ADGRL2: variants seen among roughly 807,000 people sequenced by gnomAD.
The protein encoded by ADGRL2 is adhesion G protein-coupled receptor L2.
ADGRL2 carries 44 observed loss-of-function variants against 157.4 expected under a neutral mutation model. The ratio of observed to expected loss-of-function variants is 0.28; its 90% CI spans 0.22 to 0.36. The LOEUF (loss-of-function observed/expected upper bound fraction) is 0.36. ADGRL2 is among the 10% of genes least tolerant of loss of function. The pLI is 1.00. For synonymous variants in ADGRL2, 585 were observed against 624.7 expected (o/e 0.94, Z 0.95); for missense variants, 1,510 against 1,768.9 (o/e 0.85, Z 2.63).
intron 2 of ADGRL2, among the ~76,000 whole-genome samples, chr1:81,527,298 C>A (rs1184928710): frequency 3.3e-5 from 5 of 152,128 alleles, no homozygotes; most frequent in Non-Finnish European, 7.3e-5. Flanking sequence ...GAGTTTAACC[C>A]CCCAAAATTC....
At chr1:81,313,933 C>T (rs1331456371) in intron 1 of ADGRL2, among the ~76,000 whole-genome samples, 1 of 152,068 alleles carries the variant, frequency 6.6e-6, no homozygotes, top group African/African-American at 2.4e-5. Context: ...CATACTCTGT[C>T]CCCAATCCAT....
intron 3 of ADGRL2, among the ~76,000 whole-genome samples, chr1:81,598,219 C>A (rs2081272926): frequency 1.3e-5 from 2 of 152,124 alleles, no homozygotes; most frequent in Admixed American, 6.5e-5. Context: ...CCAAACTCAA[C>A]AAGGTTAAGC....
intron 1 of ADGRL2, among the ~76,000 whole-genome samples, chr1:81,754,561 T>C (rs1571083328): frequency 9.2e-6 from 1 of 108,902 alleles, no homozygotes; most frequent in Admixed American, 1.0e-4. Flanking sequence ...CTTTCTCTCT[T>C]TCTTTCTTTC....
At chr1:81,394,365 C>G (rs2076615408) in intron 1 of ADGRL2, among the ~76,000 whole-genome samples, 1 of 152,120 alleles carries the variant, frequency 6.6e-6, no homozygotes, top group Non-Finnish European at 1.5e-5. Context: ...ATCCCCCCTC[C>G]TCCTGTACCC....
intron 3 of ADGRL2, among the ~76,000 whole-genome samples, chr1:81,931,148 C>T (rs1331802303): frequency 1.3e-5 from 2 of 151,860 alleles, no homozygotes; most frequent in Admixed American, 1.3e-4. Context: ...GGCTTTGTCT[C>T]AAAAAAACCA....
In ADGRL2 at chr1:81,527,417, T is replaced by C. The variant is rs2079486346; in HGVS notation, c.-247-53459T>C. Among the ~76,000 whole-genome samples the C allele has an allele frequency of 2.0e-5, 3 of 152,240 alleles. No homozygotes were observed. In the South Asian group the frequency reaches 6.2e-4, roughly 32 times the overall value. On this transcript the variant is annotated intron_variant, in intron 2 of 24. Coordinates refer to the ADGRL2 transcript ENST00000370721. ...CTCATGAATGGGATTAGTGTCCTTA[T>C]AAAAGCGGTCGAAGTCGAGCACGGT...
chr1:81,957,752 T>G (rs533989460), intron 11 of ADGRL2, among the ~76,000 whole-genome samples: 8 of 152,216 alleles, frequency 5.3e-5, no homozygotes, highest in Non-Finnish European at 1.5e-5. Flanking sequence ...AAAGGATTAT[T>G]TTTAATGTTG....
At chr1:81,930,303 T>C (rs1012402816) in intron 3 of ADGRL2, among the ~76,000 whole-genome samples, 2 of 152,182 alleles carry the variant, frequency 1.3e-5, no homozygotes, top group Non-Finnish European at 2.9e-5. Flanking sequence ...TTGAAAATAC[T>C]GCTGTTAATC....
chr1:81,646,121 C>T (rs369164657), intron 3 of ADGRL2, among the ~76,000 whole-genome samples: 3 of 152,106 alleles, frequency 2.0e-5, no homozygotes, highest in East Asian at 3.9e-4. Flanking sequence ...GGCCTCATGA[C>T]CTTTGTGGGG....
At chr1:81,367,695 G>A (rs1341643000) in intron 1 of ADGRL2, among the ~76,000 whole-genome samples, 1 of 152,140 alleles carries the variant, frequency 6.6e-6, no homozygotes, top group Non-Finnish European at 1.5e-5. Flanking sequence ...TGGGATTACA[G>A]GCATGTGCCA....
At chr1:81,645,317 A>T (rs2082291842) in intron 3 of ADGRL2, among the ~76,000 whole-genome samples, 2 of 148,744 alleles carry the variant, frequency 1.3e-5, no homozygotes, top group Admixed American at 6.9e-5. Context: ...AGTTGAGGCC[A>T]GGAGTTGGAG....
At chr1:81,777,456 G>A (rs1477645324) in intron 2 of ADGRL2, among the ~76,000 whole-genome samples, 2 of 152,182 alleles carry the variant, frequency 1.3e-5, no homozygotes, top group African/African-American at 4.8e-5. Flanking sequence ...TGTATTTTTA[G>A]AGTTTGTTCA....
At chr1:81,788,979 G>C (rs1300936854) in intron 2 of ADGRL2, among the ~76,000 whole-genome samples, 1 of 152,188 alleles carries the variant, frequency 6.6e-6, no homozygotes, top group Non-Finnish European at 1.5e-5. Context: ...GCCTCCCAAA[G>C]TGCTGGGATT....
intron 1 of ADGRL2, among the ~76,000 whole-genome samples, chr1:81,368,404 C>T (rs1263728319): frequency 1.3e-5 from 2 of 152,174 alleles, no homozygotes; most frequent in East Asian, 3.9e-4. Context: ...CTTTCCAAGT[C>T]TTGTCAACTT....
intron 1 of ADGRL2, among the ~76,000 whole-genome samples, chr1:81,403,167 C>T (rs1396682055): frequency 1.3e-5 from 2 of 151,774 alleles, no homozygotes; most frequent in African/African-American, 2.4e-5. Context: ...ACAATTAATC[C>T]CAGAATAGTA....
chr1:81,567,050 T>C (rs954411406), intron 2 of ADGRL2, among the ~76,000 whole-genome samples: 3 of 152,134 alleles, frequency 2.0e-5, no homozygotes, highest in Non-Finnish European at 2.9e-5. Context: ...TCTAGTATGC[T>C]TAACTTACAG....
chr1:81,950,408 A>T lies in ADGRL2; in HGVS notation c.1430A>T (p.Asp477Val). ...PLPERFCEAL[D>V]SKGIKWPQTQ... ...CCAGAGAGATTCTGTGAAGCATTAG[A>T]CTCCAAGGGGATAAAGTGGCCTCAG... Residue 477 changes from aspartate to valine, a missense_variant, in exon 7 of 24, where the codon GAC (aspartate) becomes GTC (valine). Asp to Val is a radical substitution (Grantham distance 152). Transcript: ENST00000686636. 1 of 1,613,950 alleles carries T rather than the reference A, an allele frequency of 6.2e-7. No homozygotes were observed. The highest frequency in any genetic ancestry group is 2.2e-5 in the East Asian group (1 of 44,860).
chr1:81,471,238 T>G (rs2078165730), intron 2 of ADGRL2, among the ~76,000 whole-genome samples: 1 of 152,206 alleles, frequency 6.6e-6, no homozygotes, highest in South Asian at 2.1e-4. Flanking sequence ...ATATTATTCT[T>G]TCTTCAGACC....
At chr1:81,923,321 G>A (rs954279525) in intron 3 of ADGRL2, among the ~76,000 whole-genome samples, 3 of 152,162 alleles carry the variant, frequency 2.0e-5, no homozygotes, top group Middle Eastern at 3.2e-3. Flanking sequence ...GATTAGTTCA[G>A]ATTTATCAGA....
Sources: gnomAD v4.1 joint callset for allele counts (sites outside exome capture counted in the v4.1 genomes callset) on GRCh38, gnomAD v4.1.1 for gene constraint, MANE v1.5 for transcripts, NCBI Gene and HGNC (gene_info 2026-07-23, HGNC 2026-07-21) for gene names.